Variants in APMAP observed in about 807,000 individuals in gnomAD.
APMAP encodes adipocyte plasma membrane-associated protein.
A neutral mutation model predicts 43.6 loss-of-function variants in APMAP; 33 were observed. The ratio of observed to expected loss-of-function variants is 0.76; its 90% CI spans 0.57 to 1.01. The LOEUF (loss-of-function observed/expected upper bound fraction) is 1.01. Among genes scored for constraint, APMAP ranks in the 50% least tolerant of loss-of-function variants. APMAP has a pLI of 0.00. For missense variants in APMAP, 498 were observed against 540.7 expected (o/e 0.92, Z 0.78); for synonymous variants, 224 against 216.7 (o/e 1.03, Z -0.30).
chr20:24,992,396 C>G (rs550236935), intron 1 of APMAP, among the ~76,000 whole-genome samples, 198 bp downstream of exon 1: 77 of 152,320 alleles, frequency 5.1e-4, no homozygotes, highest in African/African-American at 1.8e-3. Flanking sequence ...CCTGAAAGAC[C>G]TGGCAGGTAC....
rs1326642760 is a variant in APMAP at position 24,963,242 on chromosome 20, T to A, written c.*571A>T. 1 of 152,838 alleles carries A rather than the reference T, an allele frequency of 6.5e-6. No homozygotes were observed. The highest frequency in any genetic ancestry group is 2.4e-5 in the African/African-American group (1 of 41,422). The allele number at this position is 152,838 out of a possible 1,614,324, so 9.5% of individuals were successfully genotyped here. A position where few individuals can be genotyped will look rare whatever the true frequency, so the allele number is the denominator to read the frequency against. The stretch of plus-strand genomic sequence containing the variant: ...GCCGCTAGAGTCAACAAGCTTTTCA[T>A]ACACACTATGGAGAGCCCACGCCCC... On this transcript the variant is annotated 3_prime_UTR_variant, in exon 9 of 9. Transcript: ENST00000217456.
At chr20:24,983,221 T>C (rs1489449193) in intron 2 of APMAP, among the ~76,000 whole-genome samples, 1 of 152,248 alleles carries the variant, frequency 6.6e-6, no homozygotes, top group East Asian at 1.9e-4. Context: ...AATTCTTGTC[T>C]GAAGTTTTTA....
At chr20:24,969,169 G>T in intron 7 of APMAP, 85 bp from the exon 8 acceptor site, 1 of 1,306,502 alleles carries the variant, frequency 7.7e-7, no homozygotes, top group Non-Finnish European at 1.0e-6. Context: ...ACTGGTCTTG[G>T]TCCAAATATA....
At chr20:24,965,999 G>T (rs1226434055) in intron 8 of APMAP, among the ~76,000 whole-genome samples, 3 of 152,190 alleles carry the variant, frequency 2.0e-5, no homozygotes, top group Non-Finnish European at 4.4e-5. Context: ...GTATATGTGA[G>T]TATGCATCGT....
At chr20:24,988,786 C>T (rs1294556660) in intron 1 of APMAP, among the ~76,000 whole-genome samples, 1 of 152,242 alleles carries the variant, frequency 6.6e-6, no homozygotes, top group Non-Finnish European at 1.5e-5. Flanking sequence ...CCAGCCTCCA[C>T]TGGAAAGTTC....
intron 5 of APMAP, 83 bp from the exon 6 acceptor site, chr20:24,970,454 T>G: frequency 7.6e-7 from 1 of 1,323,996 alleles, no homozygotes. Context: ...CCTAACTGAT[T>G]TAAAAAGAAA....
chr20:24,966,285 A>T (rs760994500), intron 8 of APMAP, among the ~76,000 whole-genome samples: 23 of 152,250 alleles, frequency 1.5e-4, no homozygotes, highest in Admixed American at 3.3e-4. Flanking sequence ...TTTGAGCATC[A>T]AAATCAATGA....
chr20:24,969,785 G>A (rs1568811634), intron 6 of APMAP, 125 bp from the exon 7 acceptor site: 4 of 1,305,734 alleles, frequency 3.1e-6, no homozygotes, highest in Non-Finnish European at 4.1e-6. Flanking sequence ...TGGGTGCCCT[G>A]CTCAAACTTG....
intron 1 of APMAP, among the ~76,000 whole-genome samples, chr20:24,987,265 A>T (rs1254961334): frequency 2.0e-5 from 3 of 152,244 alleles, no homozygotes; most frequent in African/African-American, 7.2e-5. Flanking sequence ...CTAGGACTAC[A>T]GGTGTGCACC....
At position 24,963,847 on chromosome 20, in the gene APMAP, G is replaced by C. The variant is rs111757368; in HGVS notation, c.1217C>G (p.Pro406Arg). ...GHLYLGSFRS[P>R]FLCRLSLQAV ...CTGGAGGCTGAGTCTGCAGAGGAAG[G>C]GGGACCTGAAAGAGCCCAGGTACAG... is the stretch of plus-strand genomic sequence containing the variant. Residue 406 changes from proline (P) to arginine (R), a missense_variant, in exon 9 of 9, where the codon CCC becomes CGC. Transcript: ENST00000217456. 1 of 1,614,200 alleles carries C rather than the reference G, an allele frequency of 6.2e-7. No individual in the cohort carries two copies. Among genetic ancestry groups the C allele is most frequent in the East Asian group, 2.2e-5 (1 of 44,872 alleles).
rs560680166 is a variant in APMAP, at chr20:24,982,840, C to T, written c.212+1063G>A. On this transcript the variant is annotated intron_variant, in intron 2 of 8. Transcript: ENST00000217456. ...CTCAACACATCAGGGGACCCCCCCC[C>T]GCCACCCACCCCTGACGCCCCTCCT... Among the ~76,000 whole-genome samples the T allele has an allele frequency of 4.6e-5, 7 of 152,074 alleles. No homozygotes were observed. The South Asian group carries it at 8.3e-4, about 18-fold the overall frequency.
chr20:24,963,843 G>A lies in APMAP; in HGVS notation c.1221C>T (p.Phe407=). The A allele has an allele frequency of 6.2e-7, 1 of 1,614,212 alleles. No individual in the cohort carries two copies. Among genetic ancestry groups the A allele is most frequent in the African/African-American group, 1.3e-5 (1 of 75,060 alleles). Residue 407 remains phenylalanine (F), a synonymous_variant, in exon 9 of 9, where the codon TTC becomes TTT. Coordinates refer to ENST00000217456, the MANE Select transcript of APMAP (RefSeq NM_020531.3). The stretch of plus-strand genomic sequence containing the variant: ...CAGCCTGGAGGCTGAGTCTGCAGAG[G>A]AAGGGGGACCTGAAAGAGCCCAGGT... ...HLYLGSFRSP[F]LCRLSLQAV
At chr20:24,981,367 T>C (rs1447524103) in intron 2 of APMAP, among the ~76,000 whole-genome samples, 1 of 152,226 alleles carries the variant, frequency 6.6e-6, no homozygotes, top group Non-Finnish European at 1.5e-5. Context: ...AAGCCTGCAC[T>C]AATGCAGTAA....
Position 24,978,751 on chromosome 20 carries a change from C to T in APMAP, c.328+16G>A. ...ACAGCCTGGAAGGCTCCCCCCCCAC[C>T]CAAGCTTAGACTTACCCCCAATATG... On this transcript the variant is annotated intron_variant, in intron 3 of 8. Transcript: ENST00000217456. 3 of 1,463,218 alleles carry T rather than the reference C, an allele frequency of 2.1e-6. 1 individual carries two copies. Among genetic ancestry groups the T allele is most frequent in the Non-Finnish European group, 2.8e-6 (3 of 1,059,342 alleles). 90.6% of individuals were successfully genotyped at this position (1,463,218 alleles called of 1,614,324 possible).
At chr20:24,986,830 C>T (rs1380053584) in intron 1 of APMAP, among the ~76,000 whole-genome samples, 10 of 152,166 alleles carry the variant, frequency 6.6e-5, no homozygotes, top group African/African-American at 1.9e-4. Flanking sequence ...TCTATGGCTG[C>T]GGTCACCATT....
chr20:24,978,214 G>A (rs1376641240), intron 3 of APMAP, among the ~76,000 whole-genome samples: 8 of 152,182 alleles, frequency 5.3e-5, no homozygotes, highest in Admixed American at 5.2e-4. Flanking sequence ...AAAATGCCTT[G>A]TTCAAGGTTG....
Position 24,969,539 on chromosome 20 carries a change from C to T in APMAP, c.835G>A (p.Ala279Thr). The T allele has an allele frequency of 6.2e-7, 1 of 1,612,860 alleles. No individual in the cohort carries two copies. ...TCCCACACACACCTTCGTATCCTGG[C>T]CATGGTTGTTTCTGCCACCAGGACA... The part of the protein sequence containing the change: ...DFVLVAETTM[A>T]RIRRVYVSGL... The change falls in exon 7 of 9, where the codon GCC becomes ACC. Residue 279 changes from alanine (A) to threonine (T), a missense_variant. By Grantham distance (58) the Ala-to-Thr change is moderately conservative (BLOSUM62 0). Transcript: ENST00000217456.
intron 7 of APMAP, 62 bp downstream of exon 7, chr20:24,969,459 GCCCAC>G: frequency 6.5e-7 from 1 of 1,536,864 alleles, no homozygotes; most frequent in Non-Finnish European, 8.8e-7. Context: ...CCATTTCCAT[GCCCAC>G]CCCACCCCGG....
intron 6 of APMAP, 65 bp downstream of exon 6, chr20:24,970,130 GGC>G: frequency 6.4e-7 from 1 of 1,568,072 alleles, no homozygotes; most frequent in Non-Finnish European, 8.7e-7. Flanking sequence ...AGAAGTAACA[GGC>G]TCTGCTGAAG....
Sources: allele counts gnomAD v4.1 joint callset (sites outside exome capture counted in the v4.1 genomes callset), GRCh38; gene constraint gnomAD v4.1.1; transcripts MANE v1.5; gene names NCBI Gene and HGNC (gene_info 2026-07-23, HGNC 2026-07-21).